DPP10: variants seen among roughly 807,000 people sequenced by gnomAD.
DPP10 encodes inactive dipeptidyl peptidase 10.
A neutral mutation model predicts 120.9 loss-of-function variants in DPP10; 33 were observed. The ratio of observed to expected loss-of-function variants is 0.27; its 90% CI spans 0.21 to 0.37. The LOEUF is 0.37. Ranked by LOEUF, DPP10 falls within the 10% of genes least tolerant of loss-of-function variation. DPP10 has a pLI of 1.00. For synonymous variants in DPP10, 337 were observed against 326.1 expected (o/e 1.03, Z -0.36); for missense variants, 816 against 942.8 (o/e 0.87, Z 1.76).
intron 1 of DPP10, among the ~76,000 whole-genome samples, chr2:114,819,674 A>G (rs758216806): frequency 2.2e-4 from 33 of 152,214 alleles, no homozygotes; most frequent in Non-Finnish European, 3.7e-4. Flanking sequence ...TCAATTGCAT[A>G]ATTTCCTAGA....
chr2:114,726,711 A>G (rs961024790), intron 1 of DPP10, among the ~76,000 whole-genome samples: 1 of 152,222 alleles, frequency 6.6e-6, no homozygotes, highest in Non-Finnish European at 1.5e-5. Flanking sequence ...GGGCATGTCA[A>G]TAGCCATGTT....
Position 114,484,140 on chromosome 2 carries a change from T to C in DPP10, c.60+41302T>C, listed in dbSNP as rs570592884. On this transcript the variant is annotated intron_variant, in intron 1 of 25. Coordinates refer to ENST00000410059, the MANE Select transcript of DPP10 (RefSeq NM_020868.6). Reference sequence around the variant, plus strand: ...GAGCCGCTGAACTCCAATAATGGCATGCAGAGGCTGTGAGCCTGTTCAATA... The same window carrying C: ...GAGCCGCTGAACTCCAATAATGGCACGCAGAGGCTGTGAGCCTGTTCAATA... 4.6e-5 allele frequency among the ~76,000 whole-genome samples: 7 copies of C among 152,262 alleles called. No individual in the cohort carries two copies. The East Asian group carries it at 9.7e-4, about 21-fold the overall frequency.
chr2:114,890,826 C>T (rs981791906), intron 1 of DPP10, among the ~76,000 whole-genome samples: 30 of 152,228 alleles, frequency 2.0e-4, no homozygotes, highest in Non-Finnish European at 4.4e-4. Context: ...TAGCCAAATG[C>T]TGTCGCTCTA....
At chr2:115,369,113 A>G (rs981807574) in intron 3 of DPP10, among the ~76,000 whole-genome samples, 8 of 152,032 alleles carry the variant, frequency 5.3e-5, no homozygotes, top group African/African-American at 1.7e-4. Flanking sequence ...GCTAATCTTT[A>G]CTACAATAGC....
intron 3 of DPP10, among the ~76,000 whole-genome samples, chr2:115,479,848 A>G (rs1405877713): frequency 2.0e-5 from 3 of 152,032 alleles, no homozygotes; most frequent in Non-Finnish European, 4.4e-5. Flanking sequence ...TGCTGCTACC[A>G]TGGTTTCTCA....
intron 1 of DPP10, among the ~76,000 whole-genome samples, chr2:114,561,356 C>T (rs985690083): frequency 2.0e-5 from 3 of 152,174 alleles, no homozygotes; most frequent in Middle Eastern, 3.4e-3. Flanking sequence ...ATGTTATTAT[C>T]CTTTCCTCAA....
chr2:114,885,829 G>T (rs28593728), intron 1 of DPP10, among the ~76,000 whole-genome samples: 12 of 152,144 alleles, frequency 7.9e-5, no homozygotes, highest in African/African-American at 2.4e-4. Context: ...TGCAATCCAA[G>T]TTCTTCCACT....
chr2:114,950,342 T>A (rs964802403), intron 1 of DPP10, among the ~76,000 whole-genome samples: 8 of 141,458 alleles, frequency 5.7e-5, no homozygotes, highest in Non-Finnish European at 1.1e-4. Flanking sequence ...GTCCCCAGAC[T>A]GGAGTGCAGT....
chr2:115,534,830 T>A (rs1336424846), intron 5 of DPP10, among the ~76,000 whole-genome samples: 3 of 151,908 alleles, frequency 2.0e-5, no homozygotes, highest in Non-Finnish European at 4.4e-5. Flanking sequence ...GGTATCTCAT[T>A]GTGGTTTTGA....
In DPP10 at chr2:115,030,684, G is replaced by A. The variant is rs537785453; in HGVS notation, c.61-278555G>A. 2.8e-4 allele frequency among the ~76,000 whole-genome samples: 42 copies of A among 152,252 alleles called. 1 individual carries two copies. The South Asian group carries it at 7.5e-3, about 27-fold the overall frequency. On this transcript the variant is annotated intron_variant, in intron 1 of 25. Transcript: ENST00000410059. ...CCCAATGTGTGTTGTTCCCCACCATGTGTCCATGTGTTCTCATCATTCAGT... is the reference window on the plus strand; with the variant it reads ...CCCAATGTGTGTTGTTCCCCACCATATGTCCATGTGTTCTCATCATTCAGT...
At chr2:115,767,506 TAGTG>T in intron 12 of DPP10, among the ~76,000 whole-genome samples, 1 of 145,016 alleles carries the variant, frequency 6.9e-6, no homozygotes, top group Non-Finnish European at 1.6e-5. Flanking sequence ...TATATACACA[TAGTG>T]TGTGTGTATA....
At chr2:115,391,963 T>C (rs1326674733) in intron 3 of DPP10, among the ~76,000 whole-genome samples, 1 of 152,114 alleles carries the variant, frequency 6.6e-6, no homozygotes, top group Admixed American at 6.5e-5. Context: ...TAAGGAGATA[T>C]ACTATTGACC....
chr2:115,227,225 T>A (rs1320413492), intron 1 of DPP10, among the ~76,000 whole-genome samples: 1 of 152,128 alleles, frequency 6.6e-6, no homozygotes, highest in African/African-American at 2.4e-5. Flanking sequence ...TGAAATGTTC[T>A]GAAAAGACAA....
chr2:115,669,304 T>G (rs1240223907), intron 5 of DPP10, among the ~76,000 whole-genome samples: 1 of 152,130 alleles, frequency 6.6e-6, no homozygotes, highest in East Asian at 1.9e-4. Context: ...TCTTCAGAGA[T>G]AAAACTAAAA....
rs144145097 is a variant in DPP10, at chr2:114,460,509, A to T, written c.60+17671A>T. Among the ~76,000 whole-genome samples, 95 of 152,324 alleles carry T rather than the reference A, an allele frequency of 6.2e-4. 2 individuals are homozygous for T. Among genetic ancestry groups the T allele is most frequent in the African/African-American group, 2.3e-3 (94 of 41,590 alleles). ...CTATTATAACTGGGTGATTGAAAAA[A>T]ACTACTGAGTAAATTCACAATTTAA... is the stretch of plus-strand genomic sequence containing the variant. On this transcript the variant is annotated intron_variant, in intron 1 of 25. Coordinates refer to ENST00000410059, the MANE Select transcript of DPP10 (RefSeq NM_020868.6).
intron 1 of DPP10, among the ~76,000 whole-genome samples, chr2:115,117,326 A>G (rs754809940): frequency 2.0e-5 from 3 of 152,250 alleles, no homozygotes; most frequent in Non-Finnish European, 4.4e-5. Flanking sequence ...TGCTACCATG[A>G]TGGTGGAAAG....
At chr2:115,309,694 G>T (rs1213283186) in intron 2 of DPP10, among the ~76,000 whole-genome samples, 3 of 152,008 alleles carry the variant, frequency 2.0e-5, no homozygotes, top group Non-Finnish European at 4.4e-5. Flanking sequence ...TGAGGGAGTG[G>T]CATCTGGAAG....
chr2:115,015,222 A>G (rs1573310092), intron 1 of DPP10, among the ~76,000 whole-genome samples: 1 of 152,194 alleles, frequency 6.6e-6, no homozygotes, highest in African/African-American at 2.4e-5. Context: ...AACGTAACCC[A>G]TTACATAAAC....
At chr2:114,771,000 G>T (rs1202487184) in intron 1 of DPP10, among the ~76,000 whole-genome samples, 1 of 152,152 alleles carries the variant, frequency 6.6e-6, no homozygotes, top group Non-Finnish European at 1.5e-5. Flanking sequence ...AAACACTTTG[G>T]ATATGAATGT....
Sources: allele counts gnomAD v4.1 joint callset (sites outside exome capture counted in the v4.1 genomes callset), GRCh38; gene constraint gnomAD v4.1.1; transcripts MANE v1.5; gene names NCBI Gene and HGNC (gene_info 2026-07-23, HGNC 2026-07-21).